XKR9: variants seen among roughly 807,000 people sequenced by gnomAD.
The protein encoded by XKR9 is XK-related protein 9.
A neutral mutation model predicts 32.0 loss-of-function variants in XKR9; 32 were observed. That is an observed-to-expected ratio of 1.00 (90% CI 0.76 to 1.34). The LOEUF is 1.34. Ranked by LOEUF, XKR9 falls within the 40% of genes most tolerant of loss-of-function variation. The pLI is 0.00. For missense variants in XKR9, 546 were observed against 429.7 expected, an observed-to-expected ratio of 1.27 and a Z score of -2.39; for synonymous variants, 168 against 143.4, an observed-to-expected ratio of 1.17 and a Z score of -1.22.
At chr8:70,933,366 G>C in the XKR9 span, among the ~76,000 whole-genome samples, 1 of 152,056 alleles carries the variant, frequency 6.6e-6, no homozygotes, top group Non-Finnish European at 1.5e-5. Context: ...AGGGCGTTTA[G>C]GGCATAGAGC....
At chr8:70,932,431 T>C in the XKR9 span, among the ~76,000 whole-genome samples, 1 of 152,066 alleles carries the variant, frequency 6.6e-6, no homozygotes, top group Admixed American at 6.6e-5. Flanking sequence ...TAGGTCAGAG[T>C]TGGCATTGCC....
intron 4 of XKR9, among the ~76,000 whole-genome samples, chr8:70,714,735 C>G (rs560190501): frequency 4.6e-5 from 7 of 152,126 alleles, no homozygotes; most frequent in African/African-American, 1.4e-4. Flanking sequence ...ATTGACATCT[C>G]TAGTTTATTG....
the XKR9 span, among the ~76,000 whole-genome samples, chr8:70,836,088 T>C: frequency 5.9e-5 from 9 of 152,092 alleles, no homozygotes; most frequent in Non-Finnish European, 1.0e-4. Context: ...ACCCATCTTA[T>C]TTTTTGGTGC....
the XKR9 span, among the ~76,000 whole-genome samples, chr8:71,059,180 C>A: frequency 6.6e-6 from 1 of 152,236 alleles, no homozygotes; most frequent in African/African-American, 2.4e-5. Flanking sequence ...ATAAAGCCAA[C>A]CAAAACAAAA....
the XKR9 span, among the ~76,000 whole-genome samples, chr8:71,026,897 A>T: frequency 1.3e-5 from 2 of 152,212 alleles, no homozygotes; most frequent in African/African-American, 4.8e-5. Flanking sequence ...CTCAAATGTC[A>T]TTATGGATAT....
chr8:70,989,566 C>T, the XKR9 span, among the ~76,000 whole-genome samples: 1 of 152,092 alleles, frequency 6.6e-6, no homozygotes, highest in Admixed American at 6.5e-5. Flanking sequence ...TATAGCTGAC[C>T]CTCAGGTAGA....
the XKR9 span, among the ~76,000 whole-genome samples, chr8:71,014,408 T>C: frequency 1.3e-5 from 2 of 152,170 alleles, no homozygotes; most frequent in Non-Finnish European, 2.9e-5. Flanking sequence ...ACAAAAGCTC[T>C]AGGGGAGAAC....
chr8:70,817,627 C>A, the XKR9 span, among the ~76,000 whole-genome samples: 2 of 152,014 alleles, frequency 1.3e-5, no homozygotes, highest in Non-Finnish European at 2.9e-5. Context: ...AAAAAAAATT[C>A]TAAAATTCAT....
the XKR9 span, among the ~76,000 whole-genome samples, chr8:70,795,654 G>A: frequency 6.6e-6 from 1 of 151,932 alleles, no homozygotes; most frequent in Non-Finnish European, 1.5e-5. Flanking sequence ...GTTATTTTTT[G>A]ACTTTTTAAT....
the XKR9 span, among the ~76,000 whole-genome samples, chr8:70,939,633 G>A: frequency 4.6e-5 from 7 of 151,940 alleles, no homozygotes; most frequent in Non-Finnish European, 1.0e-4. Flanking sequence ...ACAAATAAAG[G>A]GGATGCCATA....
At chr8:70,917,291 A>T in the XKR9 span, among the ~76,000 whole-genome samples, 1 of 152,036 alleles carries the variant, frequency 6.6e-6, no homozygotes. Context: ...TCTTTTCATC[A>T]CATTTTCCTT....
At chr8:71,019,257 C>T in the XKR9 span, among the ~76,000 whole-genome samples, 1 of 152,026 alleles carries the variant, frequency 6.6e-6, no homozygotes, top group African/African-American at 2.4e-5. Flanking sequence ...AGAATTTTAG[C>T]GAAGTCCTTG....
At chr8:71,026,774 T>G in the XKR9 span, among the ~76,000 whole-genome samples, 1 of 152,320 alleles carries the variant, frequency 6.6e-6, no homozygotes, top group South Asian at 2.1e-4. Context: ...AATTTGAGTA[T>G]TATAAAAGTC....
the XKR9 span, among the ~76,000 whole-genome samples, chr8:70,812,653 C>T: frequency 6.6e-6 from 1 of 152,094 alleles, no homozygotes; most frequent in Admixed American, 6.5e-5. Context: ...CAATAACAGA[C>T]AAACAGAGAG....
At chr8:70,697,792 C>T (rs143740876) in intron 3 of XKR9, among the ~76,000 whole-genome samples, 43,938 of 146,694 alleles carry the variant, frequency 0.3, 5,895 homozygotes, top group Non-Finnish European at 0.39. Context: ...TGGTAGAATT[C>T]GGCTGTGAAT....
the XKR9 span, among the ~76,000 whole-genome samples, chr8:70,812,313 C>G: frequency 6.6e-6 from 1 of 152,000 alleles, no homozygotes; most frequent in Non-Finnish European, 1.5e-5. Flanking sequence ...GAGCTATGTA[C>G]GACAAACCCA....
chr8:70,866,107 TC>T, the XKR9 span, among the ~76,000 whole-genome samples: 1 of 152,234 alleles, frequency 6.6e-6, no homozygotes, highest in Non-Finnish European at 1.5e-5. Context: ...CCTGATAATT[TC>T]CTTTGTGTGG....
At chr8:70,944,475 T>C in the XKR9 span, among the ~76,000 whole-genome samples, 1 of 151,948 alleles carries the variant, frequency 6.6e-6, no homozygotes, top group Non-Finnish European at 1.5e-5. Flanking sequence ...TACATGAGAG[T>C]GTGAGGTCTT....
At chr8:70,699,422 T>G (rs1805426896) in intron 3 of XKR9, among the ~76,000 whole-genome samples, 1 of 152,054 alleles carries the variant, frequency 6.6e-6, no homozygotes, top group Admixed American at 6.6e-5. Flanking sequence ...TAAAGTATTT[T>G]ATTTCTCCTT....
Sources: allele counts gnomAD v4.1 joint callset (sites outside exome capture counted in the v4.1 genomes callset), GRCh38; gene constraint gnomAD v4.1.1; transcripts MANE v1.5; gene names NCBI Gene and HGNC (gene_info 2026-07-23, HGNC 2026-07-21).